The following FLYWCH1 variants were observed in gnomAD, a reference collection of about 807,000 sequenced individuals.
FLYWCH1 encodes the protein FLYWCH-type zinc finger 1, also known as FLYWCH-type zinc finger-containing protein 1.
In FLYWCH1, 75 loss-of-function variants were observed where a neutral mutation model predicts 66.4. The observed-to-expected ratio is 1.13, with a 90% CI of 0.94 to 1.37. The LOEUF (loss-of-function observed/expected upper bound fraction) is 1.37. FLYWCH1 is among the 40% of genes most tolerant of loss of function. The pLI, the probability that FLYWCH1 is intolerant of heterozygous loss-of-function variation, is 0.00. For synonymous variants in FLYWCH1, 595 were observed against 429.9 expected (o/e 1.38, Z -4.75); for missense variants, 1,334 against 1,001.8 (o/e 1.33, Z -4.48).
chr16:2,930,419 A>C lies in FLYWCH1; in HGVS notation c.335A>C (p.Gln112Pro). Residue 112 changes from glutamine (Q) to proline (P), a missense_variant, in exon 4 of 10, where the codon CAG becomes CCG. Transcript: ENST00000253928. ...KCSKLDAAAP[Q>P]SLEFLRTPFG... ...CTTCCCGTTCCCCCAGCAGCCCCTC[A>C]GTCCCTGGAGTTCCTGAGGACACCA... The C allele has an allele frequency of 6.9e-7, 1 of 1,458,916 alleles. No homozygotes were observed. The highest frequency in any genetic ancestry group is 9.1e-7 in the Non-Finnish European group (1 of 1,104,650). The allele number at this position is 1,458,916 out of a possible 1,614,324, so 90.4% of individuals were successfully genotyped here.
At chr16:2,932,773 C>G (rs368483504) in intron 4 of FLYWCH1, among the ~76,000 whole-genome samples, 1 of 152,036 alleles carries the variant, frequency 6.6e-6, no homozygotes, top group African/African-American at 2.4e-5. Context: ...AGTCTGAGTC[C>G]AGGTTGGCCC....
In FLYWCH1 at chr16:2,949,308, G is replaced by A. The variant is rs1356579452; in HGVS notation, c.*581G>A. 6.5e-6 allele frequency: 1 copy of A among 153,344 alleles called. No homozygotes were observed. 9.5% of individuals were successfully genotyped at this position (153,344 alleles called of 1,614,324 possible). On this transcript the variant is annotated 3_prime_UTR_variant, in exon 10 of 10. Coordinates refer to ENST00000253928, the MANE Select transcript of FLYWCH1 (RefSeq NM_001308068.2). ...CCAGCAACCGGAGCTGGCCAAACCA[G>A]AGGCCTCGCTCCGCACTCCACACTT... is the stretch of plus-strand genomic sequence containing the variant.
chr16:2,937,313 C>CCATCACCCA lies in FLYWCH1; in HGVS notation c.1706_1707insCATCACCCA (p.Pro569_Asp570insIleThrGln). ...GTCATGCGCAGGCACTGCCACCCAC[C>CCATCACCCA]GGACCTGGGCGGCCTGGAGGCCCTG... On this transcript the variant is annotated inframe_insertion, in exon 7 of 10. Transcript: ENST00000253928. 3 of 1,602,050 alleles carry CCATCACCCA rather than the reference C, an allele frequency of 1.9e-6. No individual in the cohort carries two copies. The highest frequency in any genetic ancestry group is 2.6e-6 in the Non-Finnish European group (3 of 1,174,694).
intron 8 of FLYWCH1, 103 bp downstream of exon 8, chr16:2,938,559 T>G: frequency 9.2e-7 from 1 of 1,089,066 alleles, no homozygotes; most frequent in East Asian, 2.8e-5. Context: ...AGACTGCTTT[T>G]GTGCACACAC....
At chr16:2,927,727 C>T (rs1193829399) in intron 2 of FLYWCH1, among the ~76,000 whole-genome samples, 2 of 152,212 alleles carry the variant, frequency 1.3e-5, no homozygotes, top group Non-Finnish European at 2.9e-5. Flanking sequence ...ACGCCCCACA[C>T]TGGGCGCCAG....
chr16:2,934,027 C>T, intron 6 of FLYWCH1, 48 bp downstream of exon 6: 3 of 1,466,330 alleles, frequency 2.0e-6, no homozygotes, highest in Admixed American at 4.7e-5. Flanking sequence ...CAGGCAGGAG[C>T]CCCACACTGC....
intron 9 of FLYWCH1, among the ~76,000 whole-genome samples, chr16:2,946,715 A>G (rs1188556601): frequency 6.6e-6 from 1 of 152,164 alleles, no homozygotes; most frequent in Non-Finnish European, 1.5e-5. Context: ...GATTTCTGCC[A>G]TGAATTCAAA....
chr16:2,948,265 GTA>G (rs1023322695), intron 9 of FLYWCH1, among the ~76,000 whole-genome samples: 2 of 151,998 alleles, frequency 1.3e-5, no homozygotes, highest in African/African-American at 4.8e-5. Flanking sequence ...GGATGTGTGT[GTA>G]AAAATGATCA....
At chr16:2,924,888 C>A (rs1376708782) in intron 2 of FLYWCH1, among the ~76,000 whole-genome samples, 1 of 152,212 alleles carries the variant, frequency 6.6e-6, no homozygotes, top group Non-Finnish European at 1.5e-5. Context: ...TCTTGGAAGC[C>A]CTTTAAACAG....
At chr16:2,925,452 C>T (rs961354030) in intron 2 of FLYWCH1, among the ~76,000 whole-genome samples, 1 of 152,050 alleles carries the variant, frequency 6.6e-6, no homozygotes, top group African/African-American at 2.4e-5. Context: ...CCATTCAGTC[C>T]CACTCAGTCC....
intron 6 of FLYWCH1, chr16:2,936,363 C>T (rs774819351): frequency 4.2e-5 from 19 of 456,294 alleles, no homozygotes; most frequent in African/African-American, 3.8e-4. Context: ...TCAGGGTCCT[C>T]CTGCCTCCCG....
chr16:2,941,934 T>G (rs1265700299), intron 9 of FLYWCH1, among the ~76,000 whole-genome samples: 1 of 130,104 alleles, frequency 7.7e-6, no homozygotes, highest in Non-Finnish European at 1.6e-5. Context: ...GAGGTGGAGG[T>G]TGCAGTGAGT....
chr16:2,930,990 C>G (rs2070743654), intron 4 of FLYWCH1, 110 bp downstream of exon 4: 1 of 833,410 alleles, frequency 1.2e-6, no homozygotes, highest in South Asian at 1.8e-5. Flanking sequence ...AAAATGTACT[C>G]AAAGCTAAAA....
At chr16:2,924,054 G>A (rs183553232) in intron 2 of FLYWCH1, among the ~76,000 whole-genome samples, 35 of 152,164 alleles carry the variant, frequency 2.3e-4, no homozygotes, top group Admixed American at 5.9e-4. Context: ...AAAGCTGGCC[G>A]GCACGGTGAC....
Position 2,937,227 on chromosome 16 carries a change from C to G in FLYWCH1, c.1620C>G (p.Cys540Trp). 2 of 1,605,414 alleles carry G rather than the reference C, an allele frequency of 1.2e-6. No individual in the cohort carries two copies. Among genetic ancestry groups the G allele is most frequent in the Non-Finnish European group, 1.7e-6 (2 of 1,177,250 alleles). The change falls in exon 7 of 10, where the codon TGC becomes TGG. Residue 540 changes from cysteine (C) to tryptophan (W), a missense_variant. Physicochemically the swap from Cys to Trp is radical, Grantham distance 215. Transcript: ENST00000253928. ...KAAGEKVYWT[C>W]RDQARMGCRS... Reference sequence around the variant, plus strand: ...CCGGGGAGAAGGTGTATTGGACCTGCCGGGACCAGGCCCGCATGGGCTGCC... The same window carrying G: ...CCGGGGAGAAGGTGTATTGGACCTGGCGGGACCAGGCCCGCATGGGCTGCC...
At chr16:2,923,161 C>A (rs2070438541) in intron 2 of FLYWCH1, 4 of 371,628 alleles carry the variant, frequency 1.1e-5, no homozygotes, top group Admixed American at 3.4e-5. Context: ...CCGCCTTGGC[C>A]TTTAAAGCCT....
chr16:2,945,572 TGAGATCGTGGCAGTGCACC>T lies in FLYWCH1; in HGVS notation c.2112-3106_2112-3088del, dbSNP rs200931227. Among the ~76,000 whole-genome samples the T allele has an allele frequency of 9.8e-3, 1,435 of 146,604 alleles. 11 individuals are homozygous for T. Among genetic ancestry groups the T allele is most frequent in the Middle Eastern group, 0.043 (12 of 282 alleles). ...TTGGGAAGCTGAGGCTGCAGTGCAC[TGAGATCGTGGCAGTGCACC>T]GAGATCGTGCCACTGCTCTCCAGCC... On this transcript the variant is annotated intron_variant, in intron 9 of 9. Transcript: ENST00000253928.
chr16:2,941,382 G>A (rs1298500972), intron 9 of FLYWCH1, among the ~76,000 whole-genome samples: 1 of 152,206 alleles, frequency 6.6e-6, no homozygotes, highest in African/African-American at 2.4e-5. Context: ...TGCTTAGAGG[G>A]AAATCTATAG....
At chr16:2,924,644 C>T (rs2070492465) in intron 2 of FLYWCH1, among the ~76,000 whole-genome samples, 1 of 152,198 alleles carries the variant, frequency 6.6e-6, no homozygotes, top group East Asian at 1.9e-4. Context: ...ACGCTCCTGC[C>T]ACGCTGTGGG....
Sources: allele counts gnomAD v4.1 joint callset (sites outside exome capture counted in the v4.1 genomes callset), GRCh38; gene constraint gnomAD v4.1.1; transcripts MANE v1.5; gene names NCBI Gene and HGNC (gene_info 2026-07-23, HGNC 2026-07-21).